The following KHDRBS2 variants were observed in gnomAD, a reference collection of about 807,000 sequenced individuals.
The protein encoded by KHDRBS2 is KH domain-containing, RNA-binding, signal transduction-associated protein 2.
KHDRBS2 carries 26 observed loss-of-function variants against 44.3 expected under a neutral mutation model. That is an observed-to-expected ratio of 0.59 (90% CI 0.43 to 0.81). The LOEUF is 0.81. KHDRBS2 is among the 40% of genes least tolerant of loss of function. KHDRBS2 has a pLI of 0.00. For missense variants in KHDRBS2, 476 were observed against 433.1 expected, an observed-to-expected ratio of 1.10 and a Z score of -0.88; for synonymous variants, 194 against 151.1, an observed-to-expected ratio of 1.28 and a Z score of -2.08.
chr6:61,923,321 T>G (rs1461756423), intron 4 of KHDRBS2, among the ~76,000 whole-genome samples: 2 of 152,028 alleles, frequency 1.3e-5, no homozygotes, highest in Admixed American at 1.3e-4. Flanking sequence ...TATGCAGATA[T>G]TAAAAGTATA....
chr6:62,275,499 T>A (rs1840789336), intron 1 of KHDRBS2, among the ~76,000 whole-genome samples: 1 of 152,234 alleles, frequency 6.6e-6, no homozygotes, highest in African/African-American at 2.4e-5. Context: ...GTAAATGTAT[T>A]CTATTATTTA....
At chr6:61,763,232 C>G (rs1034002963) in intron 6 of KHDRBS2, among the ~76,000 whole-genome samples, 2 of 152,114 alleles carry the variant, frequency 1.3e-5, no homozygotes, top group African/African-American at 4.8e-5. Context: ...TTTGTTTGAT[C>G]ACTAGAGTGT....
intron 3 of KHDRBS2, among the ~76,000 whole-genome samples, chr6:62,008,130 A>G (rs1366829105): frequency 6.6e-6 from 1 of 152,176 alleles, no homozygotes; most frequent in Admixed American, 6.5e-5. Flanking sequence ...GATGAATCAC[A>G]AAAGTTCTCA....
intron 2 of KHDRBS2, among the ~76,000 whole-genome samples, chr6:62,136,493 C>A (rs770087437): frequency 2.8e-4 from 42 of 152,090 alleles, no homozygotes; most frequent in Non-Finnish European, 5.4e-4. Context: ...ACATTTTATT[C>A]TTTATATTTT....
intron 2 of KHDRBS2, among the ~76,000 whole-genome samples, chr6:62,104,999 A>G (rs886679511): frequency 1.3e-5 from 2 of 152,126 alleles, no homozygotes; most frequent in African/African-American, 4.8e-5. Flanking sequence ...AAATAAGAGA[A>G]TATCATAAAC....
chr6:61,843,359 A>G (rs1201818444), intron 6 of KHDRBS2, among the ~76,000 whole-genome samples: 1 of 148,278 alleles, frequency 6.7e-6, no homozygotes, highest in Non-Finnish European at 1.5e-5. Flanking sequence ...TATTATTATT[A>G]TTATTATTAT....
chr6:61,555,125 G>A, the KHDRBS2 span, among the ~76,000 whole-genome samples: 1 of 152,002 alleles, frequency 6.6e-6, no homozygotes, highest in Non-Finnish European at 1.5e-5. Flanking sequence ...TTCTCTTCCT[G>A]TCTTTCAGGA....
rs1441933385 is a variant in KHDRBS2 at position 62,062,324 on chromosome 6, C to A, written c.220-14330G>T. On this transcript the variant is annotated intron_variant, in intron 2 of 8. Transcript: ENST00000281156. Reference sequence around the variant, plus strand: ...TTCCACCCCAAATCAACAGAATATACATTTTTTTCAGCACCACACCACACC... The same window carrying A: ...TTCCACCCCAAATCAACAGAATATAAATTTTTTTCAGCACCACACCACACC... Among the ~76,000 whole-genome samples, 697 of 143,660 alleles carry A rather than the reference C, an allele frequency of 4.9e-3. 7 individuals carry two copies. Among genetic ancestry groups the A allele is most frequent in the Middle Eastern group, 0.01 (3 of 294 alleles). The allele number at this position is 143,660 out of a possible 152,430, so 94.2% of individuals were successfully genotyped here.
intron 2 of KHDRBS2, among the ~76,000 whole-genome samples, chr6:62,154,223 A>G (rs2150107680): frequency 6.6e-6 from 1 of 152,266 alleles, no homozygotes; most frequent in Non-Finnish European, 1.5e-5. Flanking sequence ...TAACATGACC[A>G]GGCTCCAGGG....
chr6:62,183,130 T>G (rs2150126715), intron 1 of KHDRBS2, among the ~76,000 whole-genome samples: 1 of 151,964 alleles, frequency 6.6e-6, no homozygotes. Flanking sequence ...ATATTAAGAT[T>G]GTGTCTGTAT....
At chr6:62,010,540 C>T (rs113401314) in intron 3 of KHDRBS2, among the ~76,000 whole-genome samples, 7,073 of 152,138 alleles carry the variant, frequency 0.046, 210 homozygotes, top group African/African-American at 0.073. Flanking sequence ...AGCTCTGTGT[C>T]CCCACCCAAA....
chr6:61,654,767 T>C, the KHDRBS2 span, among the ~76,000 whole-genome samples: 1 of 151,534 alleles, frequency 6.6e-6, no homozygotes, highest in East Asian at 2.0e-4. Context: ...GACAAGAAGA[T>C]GCTTCTATAA....
chr6:61,658,913 A>G, the KHDRBS2 span, among the ~76,000 whole-genome samples: 3 of 151,902 alleles, frequency 2.0e-5, no homozygotes, highest in Non-Finnish European at 2.9e-5. Context: ...AAATACGACA[A>G]GGAATTTCAA....
At chr6:62,149,017 C>A (rs1182324817) in intron 2 of KHDRBS2, among the ~76,000 whole-genome samples, 1 of 152,024 alleles carries the variant, frequency 6.6e-6, no homozygotes, top group African/African-American at 2.4e-5. Flanking sequence ...CAATAACTGC[C>A]CTATTTCCTT....
chr6:62,049,779 G>C (rs904442513), intron 2 of KHDRBS2, among the ~76,000 whole-genome samples: 5 of 152,004 alleles, frequency 3.3e-5, no homozygotes, highest in Admixed American at 2.6e-4. Context: ...TTATTAAAAA[G>C]TCAGGAAACA....
At chr6:61,821,242 G>C (rs1373443687) in intron 6 of KHDRBS2, among the ~76,000 whole-genome samples, 3 of 151,858 alleles carry the variant, frequency 2.0e-5, no homozygotes, top group Admixed American at 2.0e-4. Context: ...AATCTACTGG[G>C]GTGCTATTTA....
the KHDRBS2 span, among the ~76,000 whole-genome samples, chr6:61,661,591 C>T: frequency 2.6e-5 from 4 of 151,808 alleles, no homozygotes; most frequent in African/African-American, 9.7e-5. Flanking sequence ...CAGCAGTGTC[C>T]TATCTATGAT....
chr6:61,826,588 C>T (rs1790900962), intron 6 of KHDRBS2, among the ~76,000 whole-genome samples: 1 of 152,028 alleles, frequency 6.6e-6, no homozygotes, highest in African/African-American at 2.4e-5. Flanking sequence ...TTTCATTTAC[C>T]CCAGTGAGTG....
chr6:61,988,458 C>A (rs76052037), intron 3 of KHDRBS2, among the ~76,000 whole-genome samples: 1 of 152,162 alleles, frequency 6.6e-6, no homozygotes, highest in African/African-American at 2.4e-5. Flanking sequence ...TCAATTCCAA[C>A]TGGATACAAA....
Sources: allele counts gnomAD v4.1 joint callset (sites outside exome capture counted in the v4.1 genomes callset), GRCh38; gene constraint gnomAD v4.1.1; transcripts MANE v1.5; gene names NCBI Gene and HGNC (gene_info 2026-07-23, HGNC 2026-07-21).